Variants in MMEL1 observed in about 807,000 individuals in gnomAD.
MMEL1 encodes the protein membrane metalloendopeptidase like 1, also known as membrane metallo-endopeptidase-like 1.
A neutral mutation model predicts 117.1 loss-of-function variants in MMEL1; 98 were observed. That is an observed-to-expected ratio of 0.84 (90% CI 0.71 to 0.99). The LOEUF is 0.99. MMEL1 is among the 50% of genes least tolerant of loss of function. The probability of loss-of-function intolerance (pLI) is 0.00; values close to 1 mark genes in which losing one functional copy is unlikely to be tolerated. For synonymous variants in MMEL1, 390 were observed against 415.1 expected (o/e 0.94, Z 0.74); for missense variants, 1,014 against 1,049.1 (o/e 0.97, Z 0.46).
At chr1:2,615,150 T>A (rs974802058) in intron 2 of MMEL1, among the ~76,000 whole-genome samples, 2 of 152,228 alleles carry the variant, frequency 1.3e-5, no homozygotes, top group East Asian at 3.8e-4. Context: ...TCTAAGGATG[T>A]GGAGCATAAC....
intron 2 of MMEL1, among the ~76,000 whole-genome samples, chr1:2,628,264 T>G (rs1238693488): frequency 2.0e-5 from 3 of 152,174 alleles, no homozygotes; most frequent in Admixed American, 2.0e-4. Context: ...GCAGCCACAC[T>G]GTACAGTGGC....
At chr1:2,591,249 C>T (rs1644694646) in intron 23 of MMEL1, 160 bp from the exon 24 acceptor site, 1 of 602,354 alleles carries the variant, frequency 1.7e-6, no homozygotes, top group Non-Finnish European at 2.9e-6. Context: ...CCCATCTGAC[C>T]AGAAACATGC....
intron 4 of MMEL1, 106 bp downstream of exon 4, chr1:2,611,175 G>A (rs1443004234): frequency 1.2e-5 from 14 of 1,140,178 alleles, no homozygotes; most frequent in East Asian, 1.2e-4. Flanking sequence ...ACCGCCCGCC[G>A]TGTCTTGGAG....
rs1364762302 is a variant in MMEL1 at position 2,612,396 on chromosome 1, CTG to C, written c.155-194_155-193del. Reference sequence around the variant, plus strand: ...GTTCACTGCAGGGGCCAGCTTCAATCTGTGTCCTGCTGGGCTTGAATGGGGGG... The same window carrying C: ...GTTCACTGCAGGGGCCAGCTTCAATCTGTCCTGCTGGGCTTGAATGGGGGG... On this transcript the variant is annotated intron_variant, in intron 2 of 23. Transcript: ENST00000378412. The surrounding 1 kb of genome is among the most constrained non-coding windows in gnomAD (Gnocchi z 5.4). 6.6e-5 allele frequency among the ~76,000 whole-genome samples: 10 copies of C among 152,292 alleles called. No individual in the cohort carries two copies. The highest frequency in any genetic ancestry group is 3.9e-4 in the East Asian group (2 of 5,168).
chr1:2,628,634 T>G (rs1638385769), intron 2 of MMEL1, among the ~76,000 whole-genome samples: 1 of 113,300 alleles, frequency 8.8e-6, no homozygotes, highest in Non-Finnish European at 1.7e-5. Context: ...TACGGGTGCC[T>G]GGGAGCCCCT....
rs1159167664 is a variant in MMEL1, at chr1:2,604,221, T to C, written c.877A>G (p.Asn293Asp). 1 of 1,612,690 alleles carries C rather than the reference T, an allele frequency of 6.2e-7. No homozygotes were observed. The highest frequency in any genetic ancestry group is 1.7e-5 in the Admixed American group (1 of 60,010). Residue 293 changes from asparagine to aspartate, a missense_variant, in exon 10 of 24, where the codon AAC becomes GAC. Coordinates refer to ENST00000378412, the MANE Select transcript of MMEL1 (RefSeq NM_033467.4). ...ACCAGGCAGCTGTCCCTGGGCAGGT[T>C]TGCATCCTCCCGCAGCAACGTGGCC... is the stretch of plus-strand genomic sequence containing the variant. ...SVATLLREDANLPRDSCLVQE... is the reference protein window; with the variant it reads ...SVATLLREDADLPRDSCLVQE...
Position 2,598,226 on chromosome 1 carries a change from G to A in MMEL1, c.1253C>T (p.Thr418Ile). The A allele has an allele frequency of 6.2e-7, 1 of 1,614,046 alleles. No homozygotes were observed. The highest frequency in any genetic ancestry group is 8.5e-7 in the Non-Finnish European group (1 of 1,179,972). ...GCTCACCTTGCGGTAGTTCACTCGT[G>A]TGTCCTTGAATCTCTGGCTTAGGCT... Reference protein sequence around the residue: ...IGSLSQRFKDTRVNYRKALFG... With the variant: ...IGSLSQRFKDIRVNYRKALFG... Residue 418 changes from threonine (T) to isoleucine (I), a missense_variant, in exon 13 of 24, where the codon ACA (threonine) becomes ATA (isoleucine). Thr to Ile is a moderately conservative substitution (Grantham distance 89). Transcript: ENST00000378412.
intron 21 of MMEL1, 23 bp downstream of exon 21, chr1:2,592,632 C>A (rs371392756): frequency 2.2e-4 from 336 of 1,526,374 alleles, no homozygotes; most frequent in Middle Eastern, 1.9e-3. Flanking sequence ...CGCGCTGACG[C>A]CCCCTCCCCT....
chr1:2,626,843 A>G (rs1638303756), intron 2 of MMEL1, among the ~76,000 whole-genome samples: 1 of 152,262 alleles, frequency 6.6e-6, no homozygotes, highest in Non-Finnish European at 1.5e-5. Flanking sequence ...TTGATCCAAA[A>G]CAAGGCAAGA....
chr1:2,629,232 G>C, intron 2 of MMEL1, 99 bp downstream of exon 2: 1 of 1,310,010 alleles, frequency 7.6e-7, no homozygotes, highest in Non-Finnish European at 1.0e-6. Flanking sequence ...TCTGACGGGC[G>C]GGCTCGGGCT....
chr1:2,591,004 A>T lies in MMEL1; in HGVS notation c.2326T>A (p.Cys776Ser). Residue 776 changes from cysteine (C) to serine (S), a missense_variant, in exon 24 of 24, where the codon TGC becomes AGC. Coordinates refer to ENST00000378412, the MANE Select transcript of MMEL1 (RefSeq NM_033467.4). ...RGTPMHPKERCRVW is the reference protein window; with the variant it reads ...RGTPMHPKERSRVW Reference sequence around the variant, plus strand: ...CAGGGCCTTGGCTACCACACGCGGCATCGCTCCTTGGGGTGCATGGGGGTG... The same window carrying T: ...CAGGGCCTTGGCTACCACACGCGGCTTCGCTCCTTGGGGTGCATGGGGGTG... 6.3e-7 allele frequency: 1 copy of T among 1,596,422 alleles called. No individual in the cohort carries two copies. Among genetic ancestry groups the T allele is most frequent in the Non-Finnish European group, 8.5e-7 (1 of 1,173,136 alleles).
At position 2,609,034 on chromosome 1, in the gene MMEL1, TACACACACAC is replaced by T. The variant is rs70956312; in HGVS notation, c.535+295_535+304del. Among the ~76,000 whole-genome samples the T allele has an allele frequency of 4.4e-3, 636 of 144,756 alleles. 5 individuals are homozygous for T. The highest frequency in any genetic ancestry group is 0.024 in the South Asian group (107 of 4,402). 95.0% of individuals were successfully genotyped at this position (144,756 alleles called of 152,430 possible). A position where few individuals can be genotyped will look rare whatever the true frequency, so the allele number is the denominator to read the frequency against. On this transcript the variant is annotated intron_variant, in intron 6 of 23. Transcript: ENST00000378412. ...TATACACATACTCATATCCATATAA[TACACACACAC>T]ACACACACACACACACACACACACA...
At chr1:2,597,331 A>C (rs1644858965) in intron 13 of MMEL1, among the ~76,000 whole-genome samples, 1 of 146,992 alleles carries the variant, frequency 6.8e-6, no homozygotes, top group Admixed American at 6.7e-5. Context: ...TCTCTGACCT[A>C]CCCCCCCATG....
At position 2,590,700 on chromosome 1, in the gene MMEL1, T is replaced by C. The variant is rs1236908856; in HGVS notation, c.*290A>G. 2.7e-6 allele frequency: 1 copy of C among 368,784 alleles called. No individual in the cohort carries two copies. Among genetic ancestry groups the C allele is most frequent in the Non-Finnish European group, 4.8e-6 (1 of 206,924 alleles). 22.8% of individuals were successfully genotyped at this position (368,784 alleles called of 1,614,324 possible). On this transcript the variant is annotated 3_prime_UTR_variant, in exon 24 of 24. Transcript: ENST00000378412. ...TGTAGATACTGGAAGACAATGCACC[T>C]TGGAGGGTGGGCAGGACACAGTTGA...
intron 4 of MMEL1, 96 bp from the exon 5 acceptor site, chr1:2,609,927 C>T: frequency 1.4e-6 from 2 of 1,397,956 alleles, no homozygotes; most frequent in African/African-American, 1.4e-5. Context: ...ACAGCCTGGT[C>T]CCTTGGGAAG....
intron 2 of MMEL1, among the ~76,000 whole-genome samples, chr1:2,615,322 G>C (rs145307860): frequency 6.6e-6 from 1 of 152,308 alleles, no homozygotes; most frequent in East Asian, 1.9e-4. Flanking sequence ...CATTGAAAGT[G>C]TGCACCTGTG....
At chr1:2,608,235 C>A (rs148683401) in intron 6 of MMEL1, among the ~76,000 whole-genome samples, 2,093 of 152,180 alleles carry the variant, frequency 0.014, 23 homozygotes, top group Admixed American at 0.024. Flanking sequence ...CTCCACGAGA[C>A]CCCCTGGGCA....
In MMEL1 at chr1:2,596,533, G is replaced by A. The variant is rs147290642; in HGVS notation, c.1401+28C>T. On this transcript the variant is annotated intron_variant, in intron 14 of 23. Coordinates refer to ENST00000378412, the MANE Select transcript of MMEL1 (RefSeq NM_033467.4). ...GGTGTCCCTGTGGAAGGCTGGCCCC[G>A]CGTGGGCCATGGATGAGGGGCGCCC... 136 of 1,602,030 alleles carry A rather than the reference G, an allele frequency of 8.5e-5. No individual in the cohort carries two copies. In the African/African-American group the frequency reaches 1.1e-3, roughly 12 times the overall value.
intron 7 of MMEL1, among the ~76,000 whole-genome samples, chr1:2,606,710 C>T (rs906991687): frequency 3.9e-5 from 6 of 152,034 alleles, no homozygotes; most frequent in Non-Finnish European, 5.9e-5. Context: ...GCCTGAGTGT[C>T]GAGCGCTCCT....
Sources: gnomAD v4.1 joint callset for allele counts (sites outside exome capture counted in the v4.1 genomes callset) on GRCh38, gnomAD v4.1.1 for gene constraint, Gnocchi (gnomAD v3.1) non-coding constraint, MANE v1.5 for transcripts, NCBI Gene and HGNC (gene_info 2026-07-23, HGNC 2026-07-21) for gene names.